Variants in OR6N1 observed in about 807,000 individuals in gnomAD.
OR6N1 encodes the protein olfactory receptor family 6 subfamily N member 1.
For synonymous variants in OR6N1, 170 were observed against 150.7 expected, an observed-to-expected ratio of 1.13 and a Z score of -0.94; for missense variants, 394 against 371.7, an observed-to-expected ratio of 1.06 and a Z score of -0.49.
At chr1:158,799,552 C>A in the OR6N1 span, among the ~76,000 whole-genome samples, 2 of 152,114 alleles carry the variant, frequency 1.3e-5, no homozygotes, top group African/African-American at 2.4e-5. Flanking sequence ...AAAGTTAAAT[C>A]TTTTGGATTA....
chr1:158,777,402 G>C, the OR6N1 span: 7 of 1,614,006 alleles, frequency 4.3e-6, no homozygotes, highest in African/African-American at 9.3e-5. Flanking sequence ...ACATCTTAGG[G>C]ATAGTGGTAG....
the OR6N1 span, among the ~76,000 whole-genome samples, chr1:158,825,602 T>A: frequency 0.086 from 13,038 of 152,250 alleles, 663 homozygotes; most frequent in East Asian, 0.12. Context: ...TCAGAATGGC[T>A]ATTTTTAAAA....
the OR6N1 span, among the ~76,000 whole-genome samples, chr1:158,830,624 T>A: frequency 6.6e-6 from 1 of 152,138 alleles, no homozygotes; most frequent in Non-Finnish European, 1.5e-5. Flanking sequence ...GTACAAAGGG[T>A]TTATCAGGCC....
chr1:158,766,945 C>T (rs1449800100), intron 1 of OR6N1, among the ~76,000 whole-genome samples: 2 of 152,032 alleles, frequency 1.3e-5, no homozygotes, highest in African/African-American at 4.8e-5. Flanking sequence ...TTTGGCCTTC[C>T]TAATCCATCC....
chr1:158,818,714 C>T, the OR6N1 span, among the ~76,000 whole-genome samples: 5 of 152,184 alleles, frequency 3.3e-5, no homozygotes, highest in African/African-American at 7.2e-5. Flanking sequence ...AGGTCTTAAA[C>T]ATTTCCTTAT....
chr1:158,766,769 C>A (rs1657287014), intron 1 of OR6N1, 69 bp from the exon 2 acceptor site: 1 of 924,130 alleles, frequency 1.1e-6, no homozygotes, highest in Admixed American at 2.7e-5. Flanking sequence ...AGGCAACCCT[C>A]AAATTACTAT....
the OR6N1 span, among the ~76,000 whole-genome samples, chr1:158,840,269 C>T: frequency 6.6e-6 from 1 of 152,062 alleles, no homozygotes; most frequent in Non-Finnish European, 1.5e-5. Context: ...TGAAGAAATA[C>T]CTGAGACTGG....
the OR6N1 span, among the ~76,000 whole-genome samples, chr1:158,808,121 CTTTTTTTTTTTTTTTT>C: frequency 2.5e-5 from 1 of 39,546 alleles, no homozygotes; most frequent in African/African-American, 8.5e-5. Flanking sequence ...CAATGACTGC[CTTTTTTTTTTTTTTTT>C]TTTTTTTTTT....
At chr1:158,768,911 T>A (rs138474948) in intron 1 of OR6N1, among the ~76,000 whole-genome samples, 1 of 152,172 alleles carries the variant, frequency 6.6e-6, no homozygotes, top group Non-Finnish European at 1.5e-5. Flanking sequence ...CTTATTCCTA[T>A]TGTTTATTGG....
the OR6N1 span, among the ~76,000 whole-genome samples, chr1:158,780,996 T>G: frequency 0.16 from 23,905 of 152,232 alleles, 2,247 homozygotes; most frequent in South Asian, 0.48. Flanking sequence ...CTTCCAAATC[T>G]GATACTCTAA....
the OR6N1 span, among the ~76,000 whole-genome samples, chr1:158,830,984 C>T: frequency 6.6e-6 from 1 of 152,190 alleles, no homozygotes; most frequent in Non-Finnish European, 1.5e-5. Context: ...ATAGACATCT[C>T]TACCAAGATC....
At chr1:158,797,321 A>T in the OR6N1 span, among the ~76,000 whole-genome samples, 1 of 152,168 alleles carries the variant, frequency 6.6e-6, no homozygotes, top group East Asian at 1.9e-4. Flanking sequence ...CAATGTAGTA[A>T]CTGTGAATCA....
the OR6N1 span, among the ~76,000 whole-genome samples, chr1:158,817,767 G>A: frequency 1.3e-5 from 2 of 152,178 alleles, no homozygotes; most frequent in African/African-American, 4.8e-5. Context: ...GCAACACTAG[G>A]ACCTCAGGCA....
chr1:158,799,608 A>G, the OR6N1 span, among the ~76,000 whole-genome samples: 1 of 152,206 alleles, frequency 6.6e-6, no homozygotes, highest in East Asian at 1.9e-4. Context: ...ACATTTATCT[A>G]TTTACCTTCT....
chr1:158,802,911 C>A, the OR6N1 span, among the ~76,000 whole-genome samples: 1 of 152,018 alleles, frequency 6.6e-6, no homozygotes, highest in East Asian at 1.9e-4. Flanking sequence ...ATCTTGACAT[C>A]TGAACTCTTA....
Position 158,766,303 on chromosome 1 carries a change from C to A in OR6N1, c.380G>T (p.Cys127Phe). ...AMAYDRYLAICRPLHYPTLMT... is the reference protein window; with the variant it reads ...AMAYDRYLAIFRPLHYPTLMT... ...GAGGGTTGGGTAGTGGAGGGGCCGG[C>A]AGATGGCTAAATACCTATCGTAGGC... The change falls in exon 2 of 2, where the codon TGC (cysteine) becomes TTC (phenylalanine). Residue 127 changes from cysteine to phenylalanine, a missense_variant. Cys to Phe is a radical substitution (Grantham distance 205, BLOSUM62 -2). Coordinates refer to ENST00000641846, the MANE Select transcript of OR6N1 (RefSeq NM_001005185.2). The A allele has an allele frequency of 6.2e-7, 1 of 1,614,014 alleles. No homozygotes were observed. The highest frequency in any genetic ancestry group is 8.5e-7 in the Non-Finnish European group (1 of 1,180,008).
At chr1:158,782,108 A>G in the OR6N1 span, among the ~76,000 whole-genome samples, 1 of 152,200 alleles carries the variant, frequency 6.6e-6, no homozygotes, top group East Asian at 1.9e-4. Flanking sequence ...CACCTGTTTT[A>G]AAGTCTGTAC....
Position 158,766,252 on chromosome 1 carries a change from ATC to A in OR6N1, c.429_430del (p.Glu143AspfsTer16). 1 of 1,614,126 alleles carries A rather than the reference ATC, an allele frequency of 6.2e-7. No homozygotes were observed. The highest frequency in any genetic ancestry group is 1.1e-5 in the South Asian group (1 of 91,068). ...GCCTCCCAACCAACAGCCAATGGCA[ATC>A]TCTGCACAAAGTGTTGGGGTCATGA... On this transcript the variant is annotated frameshift_variant, in exon 2 of 2. Coordinates refer to ENST00000641846, the MANE Select transcript of OR6N1 (RefSeq NM_001005185.2). LOFTEE classifies it low-confidence loss of function (END_TRUNC).
the OR6N1 span, among the ~76,000 whole-genome samples, chr1:158,822,571 G>T: frequency 6.6e-6 from 1 of 152,284 alleles, no homozygotes; most frequent in Admixed American, 6.5e-5. Flanking sequence ...AAATTTTTCT[G>T]AAGTTGCTTA....
Sources: allele counts gnomAD v4.1 joint callset (sites outside exome capture counted in the v4.1 genomes callset), GRCh38; gene constraint gnomAD v4.1.1; transcripts MANE v1.5; gene names NCBI Gene and HGNC (gene_info 2026-07-23, HGNC 2026-07-21).